SGCD: variants seen among roughly 807,000 people sequenced by gnomAD.
The protein encoded by SGCD is sarcoglycan delta.
In SGCD, 18 loss-of-function variants were observed where a neutral mutation model predicts 36.6. That is an observed-to-expected ratio of 0.49 (90% CI 0.34 to 0.73). The LOEUF (loss-of-function observed/expected upper bound fraction) is 0.73, where lower values mean the gene tolerates loss of function less well. Among genes scored for constraint, SGCD ranks in the 30% least tolerant of loss-of-function variants. The pLI, the probability that SGCD is intolerant of heterozygous loss-of-function variation, is 0.01. For missense variants in SGCD, 387 were observed against 346.7 expected, an observed-to-expected ratio of 1.12 and a Z score of -0.92; for synonymous variants, 133 against 130.6, an observed-to-expected ratio of 1.02 and a Z score of -0.12.
chr5:156,431,380 T>C (rs1753004085), intron 3 of SGCD, among the ~76,000 whole-genome samples: 1 of 152,178 alleles, frequency 6.6e-6, no homozygotes, highest in Non-Finnish European at 1.5e-5. Context: ...AGGAAGGCTG[T>C]CTGTAGGTGC....
At chr5:156,448,866 A>G (rs977693891) in intron 3 of SGCD, among the ~76,000 whole-genome samples, 2 of 148,312 alleles carry the variant, frequency 1.3e-5, no homozygotes, top group African/African-American at 5.0e-5. Flanking sequence ...CTCAAGCCTC[A>G]GCCTCCCAAG....
intron 3 of SGCD, among the ~76,000 whole-genome samples, chr5:156,349,809 C>T (rs965768430): frequency 2.0e-5 from 3 of 151,844 alleles, no homozygotes; most frequent in African/African-American, 7.3e-5. Context: ...TTTTTTGCAG[C>T]ACATTTCACA....
At chr5:156,593,053 TA>T (rs1760787107) in intron 5 of SGCD, among the ~76,000 whole-genome samples, 1 of 152,214 alleles carries the variant, frequency 6.6e-6, no homozygotes, top group East Asian at 1.9e-4. Flanking sequence ...TTTCTTTTTA[TA>T]AACACAATGT....
intron 1 of SGCD, among the ~76,000 whole-genome samples, chr5:155,959,197 A>G (rs1696760928): frequency 6.6e-6 from 1 of 152,178 alleles, no homozygotes; most frequent in African/African-American, 2.4e-5. Flanking sequence ...ATAGCTTAGC[A>G]CATTAATAGC....
chr5:156,593,707 T>C (rs777122707), intron 5 of SGCD, among the ~76,000 whole-genome samples: 3 of 152,144 alleles, frequency 2.0e-5, no homozygotes, highest in Non-Finnish European at 4.4e-5. Flanking sequence ...TGGTTTTCCT[T>C]ATGGTGTGTG....
chr5:156,373,236 C>T (rs946824896), intron 3 of SGCD, among the ~76,000 whole-genome samples: 1 of 152,172 alleles, frequency 6.6e-6, no homozygotes, highest in African/African-American at 2.4e-5. Context: ...CTTACCAATC[C>T]AATTACATTT....
In SGCD at chr5:156,082,770, C is replaced by T. The variant is rs187251165; in HGVS notation, c.-281-35108C>T. ...ATCAGGATCGCATAAATTGGATAAACGTCCAGGAGCACAGTTGCTGGGTCA... is the reference window on the plus strand; with the variant it reads ...ATCAGGATCGCATAAATTGGATAAATGTCCAGGAGCACAGTTGCTGGGTCA... On this transcript the variant is annotated intron_variant, in intron 1 of 9. Transcript: ENST00000517913. Among the ~76,000 whole-genome samples, 632 of 152,254 alleles carry T rather than the reference C, an allele frequency of 4.2e-3. 4 individuals are homozygous for T. The highest frequency in any genetic ancestry group is 0.014 in the African/African-American group (596 of 41,554).
intron 4 of SGCD, among the ~76,000 whole-genome samples, chr5:156,527,435 C>T (rs1394502471): frequency 6.6e-6 from 1 of 152,168 alleles, no homozygotes; most frequent in East Asian, 1.9e-4. Flanking sequence ...ATGTAACCTT[C>T]TATCTGTACT....
At chr5:156,703,328 T>C (rs1176397277) in intron 7 of SGCD, among the ~76,000 whole-genome samples, 3 of 152,090 alleles carry the variant, frequency 2.0e-5, no homozygotes, top group Non-Finnish European at 4.4e-5. Flanking sequence ...TGGGTGCTTC[T>C]GGAACATGAA....
upstream of SGCD, among the ~76,000 whole-genome samples, chr5:155,869,643 GAT>G (rs1491290081): frequency 3.0e-5 from 3 of 100,908 alleles, no homozygotes; most frequent in African/African-American, 1.9e-4. Context: ...TCCTTTGGCA[GAT>G]TTTTTTTTTT....
chr5:156,425,018 CG>C (rs1342499597), intron 3 of SGCD, among the ~76,000 whole-genome samples: 3 of 151,994 alleles, frequency 2.0e-5, no homozygotes, highest in African/African-American at 4.8e-5. Context: ...ACCCTATTGT[CG>C]AGGAATAGCT....
rs1757479363 is a variant in SGCD at position 156,760,437 on chromosome 5, C to CCT, written c.*1048_*1049dup. The CCT allele has an allele frequency of 1.3e-5, 2 of 152,052 alleles. No homozygotes were observed. The highest frequency in any genetic ancestry group is 2.9e-5 in the Non-Finnish European group (2 of 68,006). The allele number at this position is 152,052 out of a possible 1,614,324, so 9.4% of individuals were successfully genotyped here. On this transcript the variant is annotated 3_prime_UTR_variant, in exon 9 of 9. Transcript: ENST00000337851. Reference sequence around the variant, plus strand: ...ATTGGTGGGAAATGTCAAAACATGCCCTTTATTTTTAAAGGCATTCACAAA... The same window carrying CCT: ...ATTGGTGGGAAATGTCAAAACATGCCCTCTTTATTTTTAAAGGCATTCACAAA...
intron 7 of SGCD, among the ~76,000 whole-genome samples, chr5:156,699,006 A>G (rs1236733388): frequency 6.6e-6 from 1 of 152,146 alleles, no homozygotes; most frequent in African/African-American, 2.4e-5. Context: ...GAGGTTAAGA[A>G]CAGAATAAGC....
At chr5:156,031,893 A>G (rs1486025677) in intron 1 of SGCD, among the ~76,000 whole-genome samples, 3 of 152,228 alleles carry the variant, frequency 2.0e-5, no homozygotes, top group Non-Finnish European at 4.4e-5. Context: ...TCATTACTGA[A>G]GAGCTAGGTG....
intron 3 of SGCD, among the ~76,000 whole-genome samples, chr5:156,230,866 T>TA (rs1764997928): frequency 6.6e-6 from 1 of 152,266 alleles, no homozygotes; most frequent in East Asian, 1.9e-4. Context: ...AAATAAATTC[T>TA]AAAAAACGCT....
At chr5:156,487,515 C>T (rs770402500) in intron 3 of SGCD, among the ~76,000 whole-genome samples, 2 of 152,020 alleles carry the variant, frequency 1.3e-5, no homozygotes, top group Non-Finnish European at 2.9e-5. Flanking sequence ...CAAGGTCAGG[C>T]GTGGTGGCTC....
At chr5:156,745,377 C>A (rs529422151) in intron 7 of SGCD, among the ~76,000 whole-genome samples, 2 of 152,198 alleles carry the variant, frequency 1.3e-5, no homozygotes, top group African/African-American at 4.8e-5. Flanking sequence ...CCTGGATGGG[C>A]CTGAAATCTC....
At chr5:156,261,762 T>A (rs1765873394) in intron 3 of SGCD, among the ~76,000 whole-genome samples, 1 of 152,170 alleles carries the variant, frequency 6.6e-6, no homozygotes, top group Non-Finnish European at 1.5e-5. Flanking sequence ...TGGGATAAGA[T>A]GTGGAGGTCA....
intron 1 of SGCD, among the ~76,000 whole-genome samples, chr5:156,106,988 A>G (rs1434851162): frequency 2.6e-5 from 4 of 152,178 alleles, no homozygotes; most frequent in Non-Finnish European, 5.9e-5. Context: ...TTTTCATCAC[A>G]GAACATATCT....
Sources: allele counts gnomAD v4.1 joint callset (sites outside exome capture counted in the v4.1 genomes callset), GRCh38; gene constraint gnomAD v4.1.1; transcripts MANE v1.5; gene names NCBI Gene and HGNC (gene_info 2026-07-23, HGNC 2026-07-21).